Variants in TRAPPC9 observed in about 807,000 individuals in gnomAD.
The protein encoded by TRAPPC9 is trafficking protein particle complex subunit 9.
Under a neutral mutation model 124.0 loss-of-function variants are expected in TRAPPC9, and 83 were observed. That is an observed-to-expected ratio of 0.67 (90% CI 0.56 to 0.80). TRAPPC9 has a LOEUF of 0.80. Ranked by LOEUF, TRAPPC9 falls within the 30% of genes least tolerant of loss-of-function variation. TRAPPC9 has a pLI of 0.00. For synonymous variants in TRAPPC9, 638 were observed against 617.5 expected (o/e 1.03, Z -0.49); for missense variants, 1,302 against 1,508.3 (o/e 0.86, Z 2.27).
At chr8:140,083,110 T>C (rs1005896557) in intron 17 of TRAPPC9, among the ~76,000 whole-genome samples, 1 of 152,160 alleles carries the variant, frequency 6.6e-6, no homozygotes, top group African/African-American at 2.4e-5. Context: ...GGAGAATCGC[T>C]TGAACCTGGA....
intron 15 of TRAPPC9, among the ~76,000 whole-genome samples, chr8:140,256,876 C>T (rs1417246535): frequency 1.3e-5 from 2 of 152,190 alleles, no homozygotes; most frequent in Admixed American, 6.5e-5. Flanking sequence ...GGACAGGGCA[C>T]GGTGCCCAGT....
At chr8:139,937,530 GAGGGCCGAGGTGGC>G (rs1292173563) in intron 19 of TRAPPC9, among the ~76,000 whole-genome samples, 4 of 152,162 alleles carry the variant, frequency 2.6e-5, no homozygotes, top group African/African-American at 9.7e-5. Context: ...GCGGAGGCTG[GAGGGCCGAGGTGGC>G]AGGGCCGGTG....
chr8:140,081,480 G>A (rs1406563500), intron 17 of TRAPPC9, among the ~76,000 whole-genome samples: 1 of 151,900 alleles, frequency 6.6e-6, no homozygotes, highest in African/African-American at 2.4e-5. Context: ...TAAGTAGCTG[G>A]AATTACAGGT....
intron 21 of TRAPPC9, among the ~76,000 whole-genome samples, chr8:139,876,822 C>A (rs1013238339): frequency 5.3e-5 from 8 of 152,222 alleles, no homozygotes; most frequent in Non-Finnish European, 1.0e-4. Context: ...TCCAGCCCCA[C>A]CTCACTCTTC....
chr8:140,133,155 C>A (rs568844343), intron 17 of TRAPPC9, among the ~76,000 whole-genome samples: 6 of 152,252 alleles, frequency 3.9e-5, no homozygotes, highest in African/African-American at 9.6e-5. Context: ...CGATGCAAAA[C>A]CCTCAATAAA....
At chr8:139,855,373 C>A (rs947418313) in intron 21 of TRAPPC9, among the ~76,000 whole-genome samples, 6 of 152,200 alleles carry the variant, frequency 3.9e-5, no homozygotes, top group African/African-American at 1.4e-4. Context: ...CAGCTCCAGG[C>A]CCTAGCAGGC....
chr8:140,384,687 C>A (rs1200534360), intron 7 of TRAPPC9, among the ~76,000 whole-genome samples: 1 of 152,210 alleles, frequency 6.6e-6, no homozygotes, highest in Non-Finnish European at 1.5e-5. Flanking sequence ...CAGAGACCTA[C>A]AAAGAGACTT....
intron 17 of TRAPPC9, among the ~76,000 whole-genome samples, chr8:140,152,606 GAT>G (rs1369553789): frequency 6.6e-6 from 1 of 151,640 alleles, no homozygotes; most frequent in East Asian, 1.9e-4. Context: ...CTGACCTCGT[GAT>G]CCACCCGCCT....
At chr8:140,408,599 A>G (rs1488263255) in intron 5 of TRAPPC9, among the ~76,000 whole-genome samples, 5 of 152,156 alleles carry the variant, frequency 3.3e-5, no homozygotes, top group East Asian at 3.9e-4. Context: ...CTGGGTCACT[A>G]ACATCTGCTG....
At chr8:139,757,365 G>A (rs1460498594) in intron 21 of TRAPPC9, among the ~76,000 whole-genome samples, 6 of 147,452 alleles carry the variant, frequency 4.1e-5, no homozygotes, top group South Asian at 2.2e-4. Context: ...AGGAGCCAGC[G>A]TTGGGGGATG....
chr8:140,029,136 C>A (rs1035331096), intron 17 of TRAPPC9, among the ~76,000 whole-genome samples: 1 of 152,198 alleles, frequency 6.6e-6, no homozygotes, highest in African/African-American at 2.4e-5. Context: ...AATGGTCACA[C>A]ATTACCAAAA....
At chr8:140,091,696 G>A (rs73359180) in intron 17 of TRAPPC9, among the ~76,000 whole-genome samples, 8,691 of 152,222 alleles carry the variant, frequency 0.057, 794 homozygotes, top group African/African-American at 0.2. Context: ...AGTCAGCTGC[G>A]GCAGGGGCAA....
At chr8:139,925,495 C>T (rs1157561205) in intron 19 of TRAPPC9, among the ~76,000 whole-genome samples, 1 of 152,144 alleles carries the variant, frequency 6.6e-6, no homozygotes, top group Non-Finnish European at 1.5e-5. Context: ...CGCCTGTAAT[C>T]CCAGCACTTT....
intron 17 of TRAPPC9, among the ~76,000 whole-genome samples, chr8:140,209,996 G>A (rs182695529): frequency 1.3e-5 from 2 of 152,350 alleles, no homozygotes; most frequent in East Asian, 3.9e-4. Context: ...AAGCTGTTCA[G>A]TCATTTCCAC....
rs141170665 is a variant in TRAPPC9 at position 139,745,360 on chromosome 8, A to G, written c.3056-13158T>C. Among the ~76,000 whole-genome samples the G allele has an allele frequency of 9.4e-3, 1,434 of 152,360 alleles. 20 individuals are homozygous for G. The highest frequency in any genetic ancestry group is 0.029 in the African/African-American group (1,199 of 41,584). ...GTGCGTGGAGTGAAGGAGAGGGCTG[A>G]GCTCTGATCCTGGCCAGAGAGAAAT... On this transcript the variant is annotated intron_variant, in intron 21 of 22. Coordinates refer to ENST00000438773, the MANE Select transcript of TRAPPC9 (RefSeq NM_001160372.4).
chr8:140,441,583 G>A (rs183345343), intron 2 of TRAPPC9, among the ~76,000 whole-genome samples: 1 of 152,228 alleles, frequency 6.6e-6, no homozygotes, highest in Admixed American at 6.5e-5. Flanking sequence ...CACTTTGGGA[G>A]GCCAAGGCAG....
chr8:139,768,434 G>A (rs573837234), intron 21 of TRAPPC9, among the ~76,000 whole-genome samples: 6 of 152,312 alleles, frequency 3.9e-5, no homozygotes, highest in South Asian at 2.1e-4. Flanking sequence ...CAGGCCCTGC[G>A]GGCCACACCG....
chr8:140,351,188 C>T (rs201060380), intron 9 of TRAPPC9, among the ~76,000 whole-genome samples: 2 of 108,514 alleles, frequency 1.8e-5, no homozygotes, highest in African/African-American at 3.1e-5. Flanking sequence ...CACAGGCCCA[C>T]GCTAGTCGCT....
intron 18 of TRAPPC9, among the ~76,000 whole-genome samples, chr8:139,999,977 A>T (rs1255304711): frequency 6.6e-6 from 1 of 152,164 alleles, no homozygotes. Context: ...TCAAATCAAT[A>T]AGCCTATCTT....
Sources: gnomAD v4.1 joint callset for allele counts (sites outside exome capture counted in the v4.1 genomes callset) on GRCh38, gnomAD v4.1.1 for gene constraint, MANE v1.5 for transcripts, NCBI Gene and HGNC (gene_info 2026-07-23, HGNC 2026-07-21) for gene names.